The following TCP11 variants were observed in gnomAD, a reference collection of about 807,000 sequenced individuals.
TCP11 encodes t-complex 11.
Under a neutral mutation model 45.0 loss-of-function variants are expected in TCP11, and 34 were observed. The observed-to-expected ratio is 0.76, with a 90% CI of 0.57 to 1.01. The LOEUF is 1.01. TCP11 is among the 50% of genes least tolerant of loss of function. TCP11 has a pLI of 0.00. For missense variants in TCP11, 523 were observed against 598.1 expected, an observed-to-expected ratio of 0.87 and a Z score of 1.31; for synonymous variants, 227 against 227.0, an observed-to-expected ratio of 1.00 and a Z score of 0.00.
intron 3 of TCP11, among the ~76,000 whole-genome samples, chr6:35,134,869 G>A (rs973201401): frequency 3.3e-5 from 5 of 151,986 alleles, no homozygotes; most frequent in Admixed American, 2.0e-4. Flanking sequence ...TAGCAGAAGC[G>A]GGCCGGGTAC....
rs1476974758 is a variant in TCP11, at chr6:35,119,243, C to T, written c.1264G>A (p.Val422Ile). The change falls in exon 9 of 10, where the codon GTC becomes ATC. Residue 422 changes from valine (V) to isoleucine (I), a missense_variant. Physicochemically the swap from Val to Ile is conservative, Grantham distance 29. Around this residue, in one of 2 missense-constraint regions of TCP11, gnomAD observed 298 missense variants for 387.9 expected, o/e 0.77. Coordinates refer to ENST00000311875, the MANE Select transcript of TCP11 (RefSeq NM_001370687.1). ...GCATACTCACCAATAACACTGCAGA[C>T]ACAGTTCTCCTTCTTGGCAATGTTC... ...LQNIAKKENC[V>I]CSVIDQRIHL... is the part of the protein sequence containing the mutation. The T allele has an allele frequency of 1.9e-6, 3 of 1,614,042 alleles. No individual in the cohort carries two copies. Among genetic ancestry groups the T allele is most frequent in the Non-Finnish European group, 2.5e-6 (3 of 1,180,006 alleles).
At chr6:35,126,185 A>G (rs1779802114) in intron 4 of TCP11, among the ~76,000 whole-genome samples, 1 of 152,238 alleles carries the variant, frequency 6.6e-6, no homozygotes, top group Non-Finnish European at 1.5e-5. Context: ...AAAATTAAAT[A>G]AATTTTTTAA....
intron 3 of TCP11, among the ~76,000 whole-genome samples, chr6:35,133,108 G>A (rs1780637807): frequency 1.3e-5 from 2 of 152,148 alleles, no homozygotes; most frequent in Non-Finnish European, 2.9e-5. Context: ...TTGTCTTTTG[G>A]TGGAAAATTA....
chr6:35,125,024 A>G (rs1779664290), intron 4 of TCP11, among the ~76,000 whole-genome samples: 1 of 151,728 alleles, frequency 6.6e-6, no homozygotes, highest in African/African-American at 2.4e-5. Flanking sequence ...TCTACTAAAA[A>G]TACAAAAAAT....
chr6:35,127,297 G>C (rs552579220), intron 4 of TCP11, among the ~76,000 whole-genome samples: 1 of 152,184 alleles, frequency 6.6e-6, no homozygotes, highest in Non-Finnish European at 1.5e-5. Context: ...GACCATGCCT[G>C]AAACTCAGGA....
At chr6:35,129,209 ACTCT>A (rs751454826) in intron 3 of TCP11, 27 bp from the exon 4 acceptor site, 1 of 1,599,908 alleles carries the variant, frequency 6.3e-7, no homozygotes, top group Admixed American at 1.8e-5. Context: ...TGAGCAGATT[ACTCT>A]CTCAACCCAA....
chr6:35,126,088 AAT>A (rs764114512), intron 4 of TCP11, among the ~76,000 whole-genome samples: 1 of 152,192 alleles, frequency 6.6e-6, no homozygotes, highest in Non-Finnish European at 1.5e-5. Flanking sequence ...TTATATTGTA[AAT>A]ATACTTAATG....
rs754370826 is a variant in TCP11 at position 35,119,381 on chromosome 6, C to T, written c.1126G>A (p.Ala376Thr). The change falls in exon 9 of 10, where the codon GCT becomes ACT. Residue 376 changes from alanine to threonine, a missense_variant. Transcript: ENST00000311875. ...LEDFHSRPEE[A>T]ILTVSEQVSQ... ...ACCTGTTCACTCACAGTCAGTATAG[C>T]TTCCTCAGGCCTAGACCATGAAAGA... 1 of 1,614,090 alleles carries T rather than the reference C, an allele frequency of 6.2e-7. No individual in the cohort carries two copies. Among genetic ancestry groups the T allele is most frequent in the African/African-American group, 1.3e-5 (1 of 75,070 alleles).
intron 4 of TCP11, among the ~76,000 whole-genome samples, chr6:35,127,182 C>T (rs1779919287): frequency 6.6e-6 from 1 of 152,030 alleles, no homozygotes; most frequent in Admixed American, 6.5e-5. Flanking sequence ...CTCCTTATAC[C>T]ACTGAACCAA....
intron 4 of TCP11, among the ~76,000 whole-genome samples, chr6:35,124,075 T>C (rs913754411): frequency 2.0e-5 from 3 of 152,184 alleles, no homozygotes; most frequent in African/African-American, 7.2e-5. Flanking sequence ...ATTACAGGCC[T>C]GAGCCACCAC....
intron 3 of TCP11, among the ~76,000 whole-genome samples, chr6:35,129,643 C>T (rs1581829519): frequency 6.6e-6 from 1 of 152,296 alleles, no homozygotes; most frequent in African/African-American, 2.4e-5. Context: ...AAACTAAATT[C>T]ATTATCTTCC....
At chr6:35,126,193 TA>T (rs1370348506) in intron 4 of TCP11, among the ~76,000 whole-genome samples, 2 of 152,242 alleles carry the variant, frequency 1.3e-5, no homozygotes, top group Non-Finnish European at 1.5e-5. Context: ...ATAAATTTTT[TA>T]AAGCCCCCAA....
At chr6:35,140,468 T>G in intron 2 of TCP11, 1 of 581,300 alleles carries the variant, frequency 1.7e-6, no homozygotes, top group South Asian at 1.5e-5. Context: ...CCCCCCTACA[T>G]ATTCAAAATA....
intron 9 of TCP11, among the ~76,000 whole-genome samples, 194 bp downstream of exon 9, chr6:35,119,034 G>C (rs1240874613): frequency 2.0e-5 from 3 of 152,176 alleles, no homozygotes; most frequent in Non-Finnish European, 4.4e-5. Context: ...GAATTTCTGG[G>C]TGCAAATCAT....
chr6:35,120,136 T>G lies in TCP11; in HGVS notation c.1115+23A>C, dbSNP rs1779059477. ...AAATACCACATATCACCTTCTACTCTAAAAAGTAACTATGCAGCTCACCTG... is the reference window on the plus strand; with the variant it reads ...AAATACCACATATCACCTTCTACTCGAAAAAGTAACTATGCAGCTCACCTG... On this transcript the variant is annotated intron_variant, in intron 8 of 9. Coordinates refer to ENST00000311875, the MANE Select transcript of TCP11 (RefSeq NM_001370687.1). The surrounding 1 kb of genome is among the most constrained non-coding windows in gnomAD (Gnocchi z 4.9). The G allele has an allele frequency of 6.2e-7, 1 of 1,609,562 alleles. No individual in the cohort carries two copies. The highest frequency in any genetic ancestry group is 8.5e-7 in the Non-Finnish European group (1 of 1,177,624).
Position 35,122,243 on chromosome 6 carries a change from T to C in TCP11, c.452A>G (p.His151Arg), listed in dbSNP as rs768848363. The C allele has an allele frequency of 1.2e-6, 2 of 1,614,072 alleles. No homozygotes were observed. The highest frequency in any genetic ancestry group is 1.7e-5 in the Admixed American group (1 of 60,004). ...DMDLLKQEAEHGALKVLYLSK... is the reference protein window; with the variant it reads ...DMDLLKQEAERGALKVLYLSK... ...GAGATAGAGGACTTTCAGGGCCCCATGTTCTGCCTCCTGCTTGAGCAAGTC... is the reference window on the plus strand; with the variant it reads ...GAGATAGAGGACTTTCAGGGCCCCACGTTCTGCCTCCTGCTTGAGCAAGTC... The change falls in exon 5 of 10, where the codon CAT becomes CGT. Residue 151 changes from histidine to arginine, a missense_variant. His to Arg is a conservative substitution (Grantham distance 29). Around this residue, in one of 2 missense-constraint regions of TCP11, gnomAD observed 225 missense variants for 210.2 expected, o/e 1.07. Transcript: ENST00000311875.
At position 35,136,191 on chromosome 6, in the gene TCP11, G is replaced by A. The variant is rs370605224; in HGVS notation, c.152C>T (p.Thr51Ile). 6.3e-5 allele frequency: 102 copies of A among 1,613,078 alleles called. No individual in the cohort carries two copies. Among genetic ancestry groups the A allele is most frequent in the Non-Finnish European group, 8.5e-5 (100 of 1,179,732 alleles). The change falls in exon 3 of 10, where the codon ACC (threonine) becomes ATC (isoleucine). Residue 51 changes from threonine to isoleucine, a missense_variant. This residue lies in a region of TCP11 where 225 missense variants were observed against 210.2 expected (regional missense o/e 1.07). Coordinates refer to ENST00000311875, the MANE Select transcript of TCP11 (RefSeq NM_001370687.1). The stretch of plus-strand genomic sequence containing the variant: ...GCTCAGCTTGGAAACTTCATTAACG[G>A]TTTCTGTCAGACCTGTGACAGAAAG... ...PFLSVTGLTE[T>I]VNEVSKLSNK... is the part of the protein sequence containing the mutation.
intron 3 of TCP11, among the ~76,000 whole-genome samples, chr6:35,133,345 TA>T (rs985196668): frequency 1.3e-5 from 2 of 151,646 alleles, no homozygotes; most frequent in Admixed American, 6.6e-5. Flanking sequence ...TTTTGCTAAT[TA>T]AAAAAAAATT....
Position 35,141,255 on chromosome 6 carries a change from C to CGCGGCCTG in TCP11, c.-73_-66dup, listed in dbSNP as rs142118879. The CGCGGCCTG allele has an allele frequency of 4.4e-5, 59 of 1,341,800 alleles. No individual in the cohort carries two copies. Among genetic ancestry groups the CGCGGCCTG allele is most frequent in the Non-Finnish European group, 5.3e-5 (56 of 1,050,208 alleles). 83.1% of individuals were successfully genotyped at this position (1,341,800 alleles called of 1,614,324 possible). On this transcript the variant is annotated 5_prime_UTR_variant, in exon 1 of 10. Transcript: ENST00000311875. ...CCACTGGCGTCCGCTCGGTGGGCCT[C>CGCGGCCTG]GCGGCCTGGCGGCCTGGAGCGTACC...
Sources: allele counts gnomAD v4.1 joint callset (sites outside exome capture counted in the v4.1 genomes callset), GRCh38; gene constraint gnomAD v4.1.1; regional missense constraint gnomAD v4.1.1; non-coding constraint Gnocchi (gnomAD v3.1); transcripts MANE v1.5; gene names NCBI Gene and HGNC (gene_info 2026-07-23, HGNC 2026-07-21).